BBX: variants seen among roughly 807,000 people sequenced by gnomAD.
BBX encodes the protein HMG box transcription factor BBX.
Under a neutral mutation model 100.2 loss-of-function variants are expected in BBX, and 30 were observed. The observed-to-expected ratio is 0.30, with a 90% confidence interval of 0.22 to 0.41. BBX has a LOEUF of 0.41. Among genes scored for constraint, BBX ranks in the 10% least tolerant of loss-of-function variants. BBX has a pLI of 1.00. For missense variants in BBX, 1,023 were observed against 1,129.8 expected, an observed-to-expected ratio of 0.91 and a Z score of 1.35; for synonymous variants, 376 against 388.1, an observed-to-expected ratio of 0.97 and a Z score of 0.37.
intron 2 of BBX, among the ~76,000 whole-genome samples, chr3:107,556,202 C>T (rs1157502430): frequency 6.6e-6 from 1 of 152,158 alleles, no homozygotes; most frequent in Non-Finnish European, 1.5e-5. Context: ...GACACTAGGA[C>T]TTTGCCTTTC....
intron 3 of BBX, among the ~76,000 whole-genome samples, chr3:107,646,414 G>T (rs2057522889): frequency 6.6e-6 from 1 of 152,056 alleles, no homozygotes; most frequent in African/African-American, 2.4e-5. Context: ...AAAAAGTTGA[G>T]ATTTTAAAAT....
intron 3 of BBX, among the ~76,000 whole-genome samples, chr3:107,663,248 C>A (rs965510835): frequency 3.3e-5 from 5 of 152,088 alleles, no homozygotes; most frequent in African/African-American, 1.2e-4. Context: ...ATAGTCAGCA[C>A]CCTATTATGC....
intron 5 of BBX, among the ~76,000 whole-genome samples, chr3:107,724,971 C>T (rs538203870): frequency 2.6e-5 from 4 of 152,090 alleles, no homozygotes; most frequent in South Asian, 2.1e-4. Flanking sequence ...TGATAGGGAT[C>T]GCATTGAATC....
chr3:107,757,271 G>A (rs919700038), intron 10 of BBX, among the ~76,000 whole-genome samples: 2 of 151,706 alleles, frequency 1.3e-5, no homozygotes, highest in Non-Finnish European at 2.9e-5. Flanking sequence ...AAGTGGATTC[G>A]TCATTTTCTT....
rs141237341 is a variant in BBX, at chr3:107,762,507, C to T, written c.906+6829C>T. Among the ~76,000 whole-genome samples the T allele has an allele frequency of 2.0e-3, 298 of 152,260 alleles. 4 individuals are homozygous for T. The highest frequency in any genetic ancestry group is 5.1e-4 in the Non-Finnish European group (35 of 68,004). On this transcript the variant is annotated intron_variant, in intron 10 of 17. Coordinates refer to ENST00000325805, the MANE Select transcript of BBX (RefSeq NM_001142568.3). ...TGTATATTTCTCTGGCACAAGCGTTCGGGTTTTATTTAATTATGGGAGAAA... is the reference window on the plus strand; with the variant it reads ...TGTATATTTCTCTGGCACAAGCGTTTGGGTTTTATTTAATTATGGGAGAAA...
At chr3:107,698,354 T>C (rs1176973842) in intron 3 of BBX, among the ~76,000 whole-genome samples, 1 of 151,682 alleles carries the variant, frequency 6.6e-6, no homozygotes, top group Non-Finnish European at 1.5e-5. Context: ...TGATTGCTCT[T>C]AAAATTCAAA....
At chr3:107,769,644 C>T (rs767324676) in intron 10 of BBX, among the ~76,000 whole-genome samples, 3 of 150,366 alleles carry the variant, frequency 2.0e-5, no homozygotes. Flanking sequence ...CTTCGAGTAT[C>T]GTATCTGTCG....
At chr3:107,771,816 A>G (rs962617893) in intron 10 of BBX, among the ~76,000 whole-genome samples, 2 of 152,162 alleles carry the variant, frequency 1.3e-5, no homozygotes, top group Non-Finnish European at 2.9e-5. Context: ...TGGTTATATC[A>G]TTTCTAATTT....
chr3:107,638,758 CAAAA>C (rs59474146), intron 2 of BBX, among the ~76,000 whole-genome samples: 29 of 91,300 alleles, frequency 3.2e-4, no homozygotes, highest in Middle Eastern at 6.4e-3. Flanking sequence ...ACTCCTCTAC[CAAAA>C]AAAAAAAAAA....
chr3:107,773,458 T>A lies in BBX; in HGVS notation c.1737T>A (p.Pro579=). 6.2e-7 allele frequency: 1 copy of A among 1,614,090 alleles called. No individual in the cohort carries two copies. The highest frequency in any genetic ancestry group is 8.5e-7 in the Non-Finnish European group (1 of 1,179,974). ...GTATAAAAGCAGAACCATTGACCCC[T>A]ATGGAAGATGCACTACCACCCAGCC... ...PEGIKAEPLT[P]MEDALPPSLS... is the part of the protein sequence containing the mutation. The change falls in exon 11 of 18, where the codon CCT becomes CCA. Residue 579 remains proline (P), a synonymous_variant. Transcript: ENST00000325805. This position sits in a 1 kb window ranked among gnomAD's most constrained non-coding sequence, Gnocchi z 4.1.
chr3:107,681,994 A>G (rs934079756), intron 3 of BBX, among the ~76,000 whole-genome samples: 2 of 152,182 alleles, frequency 1.3e-5, no homozygotes, highest in Non-Finnish European at 2.9e-5. Flanking sequence ...ATGAAATAAA[A>G]TCACACACAT....
intron 3 of BBX, chr3:107,674,810 T>A (rs893275281): frequency 6.6e-6 from 1 of 152,636 alleles, no homozygotes; most frequent in African/African-American, 2.4e-5. Context: ...AAGCCTTTGC[T>A]AAGAGGTAGT....
chr3:107,588,343 G>T (rs569350038), intron 2 of BBX, among the ~76,000 whole-genome samples: 22 of 148,310 alleles, frequency 1.5e-4, no homozygotes, highest in Middle Eastern at 3.4e-3. Context: ...GTAAGGGGGG[G>T]CCTGGAGCAG....
chr3:107,782,717 T>C (rs150757562), intron 13 of BBX, among the ~76,000 whole-genome samples: 1 of 152,268 alleles, frequency 6.6e-6, no homozygotes, highest in East Asian at 1.9e-4. Context: ...CCTTTTGTTT[T>C]CTGCCCAGCT....
At chr3:107,568,313 G>A (rs2051078896) in intron 2 of BBX, among the ~76,000 whole-genome samples, 1 of 142,586 alleles carries the variant, frequency 7.0e-6, no homozygotes, top group Non-Finnish European at 1.5e-5. Flanking sequence ...CGCCCAGGCT[G>A]GAGTGCAGTG....
At chr3:107,587,756 C>T (rs1272241913) in intron 2 of BBX, among the ~76,000 whole-genome samples, 1 of 152,142 alleles carries the variant, frequency 6.6e-6, no homozygotes, top group Non-Finnish European at 1.5e-5. Flanking sequence ...AGGCTCGAGG[C>T]TCTTTTAGGA....
intron 2 of BBX, among the ~76,000 whole-genome samples, chr3:107,549,445 A>T (rs138637813): frequency 6.6e-6 from 1 of 152,314 alleles, no homozygotes; most frequent in Non-Finnish European, 1.5e-5. Flanking sequence ...GATAGGGATC[A>T]TACTCTCAGG....
At chr3:107,575,789 A>T (rs1448615551) in intron 2 of BBX, among the ~76,000 whole-genome samples, 2 of 152,182 alleles carry the variant, frequency 1.3e-5, no homozygotes, top group African/African-American at 4.8e-5. Flanking sequence ...AGTAAATAGC[A>T]AGTTTTCTAA....
rs1339711931 is a variant in BBX at position 107,584,039 on chromosome 3, TATATATTATATATATTATATATATC to T, written c.-84+57689_-84+57713del. On this transcript the variant is annotated intron_variant, in intron 2 of 17. Transcript: ENST00000325805. ...TACATATTATTATATATATTAATTATATATATTATATATATTATATATATCATATATTATATATATTATATATATC... is the reference window on the plus strand; with the variant it reads ...TACATATTATTATATATATTAATTATATATATTATATATATTATATATATC... Among the ~76,000 whole-genome samples the T allele has an allele frequency of 2.7e-3, 125 of 46,816 alleles. 13 individuals are homozygous for T. In the East Asian group the frequency reaches 0.042, roughly 16 times the overall value. 30.7% of individuals were successfully genotyped at this position (46,816 alleles called of 152,430 possible).
Sources: gnomAD v4.1 joint callset for allele counts (sites outside exome capture counted in the v4.1 genomes callset) on GRCh38, gnomAD v4.1.1 for gene constraint, Gnocchi (gnomAD v3.1) non-coding constraint, MANE v1.5 for transcripts, NCBI Gene and HGNC (gene_info 2026-07-23, HGNC 2026-07-21) for gene names.